The following SCOC variants were observed in gnomAD, a reference collection of about 807,000 sequenced individuals.
SCOC encodes short coiled coil protein.
In SCOC, 7 loss-of-function variants were observed where a neutral mutation model predicts 9.9. The observed-to-expected ratio is 0.71, with a 90% CI of 0.40 to 1.33. The LOEUF (loss-of-function observed/expected upper bound fraction) is 1.33, where lower values mean the gene tolerates loss of function less well. SCOC is among the 40% of genes most tolerant of loss of function. The pLI is 0.01. For missense variants in SCOC, 66 were observed against 89.7 expected (o/e 0.74, Z 1.07); for synonymous variants, 19 against 28.2 (o/e 0.67, Z 1.03).
intron 1 of SCOC, among the ~76,000 whole-genome samples, chr4:140,334,517 T>A (rs1382316670): frequency 6.6e-6 from 1 of 152,144 alleles, no homozygotes; most frequent in Admixed American, 6.6e-5. Flanking sequence ...CAGAATATAA[T>A]TAAGGGAAAA....
chr4:140,352,027 T>G (rs1267481535), intron 2 of SCOC, among the ~76,000 whole-genome samples: 1 of 152,210 alleles, frequency 6.6e-6, no homozygotes, highest in Non-Finnish European at 1.5e-5. Flanking sequence ...GGGAGACAAC[T>G]GCGCAGATGA....
At chr4:140,302,706 C>A (rs1038946136) in intron 1 of SCOC, among the ~76,000 whole-genome samples, 1 of 152,134 alleles carries the variant, frequency 6.6e-6, no homozygotes, top group African/African-American at 2.4e-5. Flanking sequence ...ATCAGCTAAG[C>A]AAGGCTTATG....
intron 1 of SCOC, among the ~76,000 whole-genome samples, chr4:140,268,230 C>T (rs1730772053): frequency 6.6e-6 from 1 of 152,162 alleles, no homozygotes; most frequent in Admixed American, 6.5e-5. Flanking sequence ...GAATTACTGT[C>T]GCATTCTTGG....
chr4:140,378,418 C>A (rs1269385149), intron 1 of SCOC, among the ~76,000 whole-genome samples: 1 of 151,614 alleles, frequency 6.6e-6, no homozygotes, highest in African/African-American at 2.4e-5. Context: ...CAATTTTATA[C>A]ACATTTTTTC....
chr4:140,298,202 G>C (rs886914846), intron 1 of SCOC, among the ~76,000 whole-genome samples: 6 of 152,196 alleles, frequency 3.9e-5, no homozygotes, highest in African/African-American at 1.4e-4. Flanking sequence ...TGGCTGCTGA[G>C]TCGTCCCTGG....
At chr4:140,274,443 T>A (rs1055103899) in intron 1 of SCOC, among the ~76,000 whole-genome samples, 6 of 152,198 alleles carry the variant, frequency 3.9e-5, no homozygotes, top group Admixed American at 6.5e-5. Context: ...TCTCCAGTTA[T>A]GAGGGGGCTC....
At chr4:140,361,742 G>A (rs1727478150) in intron 2 of SCOC, among the ~76,000 whole-genome samples, 2 of 152,104 alleles carry the variant, frequency 1.3e-5, no homozygotes, top group Admixed American at 6.5e-5. Flanking sequence ...ACCTTGAAAC[G>A]TAAAGAGTCA....
intron 1 of SCOC, chr4:140,374,231 C>T (rs777013916): frequency 4.4e-6 from 2 of 452,238 alleles, no homozygotes; most frequent in South Asian, 3.1e-5. Flanking sequence ...GGGTTTGTTT[C>T]CTGATCGTCT....
At chr4:140,270,767 G>C (rs1049839786) in intron 1 of SCOC, among the ~76,000 whole-genome samples, 1 of 152,196 alleles carries the variant, frequency 6.6e-6, no homozygotes, top group African/African-American at 2.4e-5. Context: ...ACTATCTCTA[G>C]GAGTTGGCTA....
chr4:140,293,396 G>T (rs896917725), intron 1 of SCOC: 6 of 456,840 alleles, frequency 1.3e-5, no homozygotes, highest in Non-Finnish European at 2.2e-5. Context: ...AGACAGGATT[G>T]GAGGTGTAAG....
chr4:140,263,124 G>T (rs1730667297), intron 1 of SCOC, among the ~76,000 whole-genome samples: 1 of 152,180 alleles, frequency 6.6e-6, no homozygotes, highest in African/African-American at 2.4e-5. Context: ...TCCTGTTTGG[G>T]TGCATTTGCA....
chr4:140,358,254 G>T (rs1366677586), intron 2 of SCOC, among the ~76,000 whole-genome samples: 1 of 152,152 alleles, frequency 6.6e-6, no homozygotes, highest in East Asian at 1.9e-4. Flanking sequence ...TTGAGTTTAC[G>T]CACTTGTAAT....
At chr4:140,321,802 TGACA>T (rs2126482764) in intron 1 of SCOC, among the ~76,000 whole-genome samples, 1 of 152,334 alleles carries the variant, frequency 6.6e-6, no homozygotes, top group Non-Finnish European at 1.5e-5. Flanking sequence ...TTCTAATTAC[TGACA>T]GACATTCTTA....
At chr4:140,268,967 G>T (rs967279316) in intron 1 of SCOC, among the ~76,000 whole-genome samples, 1 of 152,168 alleles carries the variant, frequency 6.6e-6, no homozygotes, top group Non-Finnish European at 1.5e-5. Context: ...CGGGTATATG[G>T]ATACTCATTC....
chr4:140,295,675 C>T (rs1731607040), intron 1 of SCOC, among the ~76,000 whole-genome samples: 1 of 152,118 alleles, frequency 6.6e-6, no homozygotes, highest in Non-Finnish European at 1.5e-5. Flanking sequence ...GGCGCGGTGG[C>T]TCACGCCTGT....
chr4:140,332,220 G>C (rs368059028), intron 1 of SCOC, among the ~76,000 whole-genome samples: 2 of 152,006 alleles, frequency 1.3e-5, no homozygotes, highest in South Asian at 2.1e-4. Context: ...AACCATATCA[G>C]ATGTTTAAAA....
intron 3 of SCOC, among the ~76,000 whole-genome samples, chr4:140,380,604 T>G (rs1484947987): frequency 6.6e-6 from 1 of 152,228 alleles, no homozygotes; most frequent in Non-Finnish European, 1.5e-5. Flanking sequence ...CTGTATTCAG[T>G]ATATGAATTC....
upstream of SCOC, among the ~76,000 whole-genome samples, chr4:140,341,401 CTT>C (rs1372164510): frequency 6.6e-6 from 1 of 152,192 alleles, no homozygotes; most frequent in Non-Finnish European, 1.5e-5. Flanking sequence ...GAAGTCCAAT[CTT>C]AGCTCCACCA....
intron 2 of SCOC, among the ~76,000 whole-genome samples, chr4:140,362,299 C>CTTTTTTTTTT (rs1183789218): frequency 2.6e-4 from 10 of 38,330 alleles, no homozygotes; most frequent in Admixed American, 4.9e-4. Flanking sequence ...TCTTCTTCTT[C>CTTTTTTTTTT]TTTTTTTTTT....
Sources: gnomAD v4.1 joint callset for allele counts (sites outside exome capture counted in the v4.1 genomes callset) on GRCh38, gnomAD v4.1.1 for gene constraint, MANE v1.5 for transcripts, NCBI Gene and HGNC (gene_info 2026-07-23, HGNC 2026-07-21) for gene names.